PRKCE: variants seen among roughly 807,000 people sequenced by gnomAD.
PRKCE encodes protein kinase C epsilon type.
PRKCE carries 16 observed loss-of-function variants against 85.4 expected under a neutral mutation model. That is an observed-to-expected ratio of 0.19 (90% CI 0.13 to 0.28). The LOEUF is 0.28. PRKCE is among the 10% of genes least tolerant of loss of function. PRKCE has a pLI of 1.00. For synonymous variants in PRKCE, 388 were observed against 371.5 expected, an observed-to-expected ratio of 1.04 and a Z score of -0.51; for missense variants, 573 against 975.2, an observed-to-expected ratio of 0.59 and a Z score of 5.49.
chr2:45,677,522 A>C (rs1249529722), intron 1 of PRKCE, among the ~76,000 whole-genome samples: 1 of 151,836 alleles, frequency 6.6e-6, no homozygotes, highest in Non-Finnish European at 1.5e-5. Flanking sequence ...GCGCCCGGCT[A>C]ATTTTTTGTA....
At chr2:45,669,892 T>C (rs1676077205) in intron 1 of PRKCE, among the ~76,000 whole-genome samples, 2 of 152,072 alleles carry the variant, frequency 1.3e-5, no homozygotes, top group South Asian at 4.1e-4. Flanking sequence ...GTGCCAGTAA[T>C]CCCAGCTATT....
chr2:45,731,236 T>G (rs2104548748), intron 1 of PRKCE, among the ~76,000 whole-genome samples: 1 of 152,248 alleles, frequency 6.6e-6, no homozygotes, highest in African/African-American at 2.4e-5. Context: ...AATGGAGTTA[T>G]GCACAGTTTT....
intron 1 of PRKCE, among the ~76,000 whole-genome samples, chr2:45,829,266 G>A (rs1690204868): frequency 1.3e-5 from 2 of 152,118 alleles, no homozygotes; most frequent in Admixed American, 1.3e-4. Flanking sequence ...TAAATTTTGT[G>A]TCAATTTACA....
chr2:45,923,842 G>A (rs550315858), intron 2 of PRKCE, among the ~76,000 whole-genome samples: 6 of 152,300 alleles, frequency 3.9e-5, no homozygotes, highest in African/African-American at 1.4e-4. Context: ...GGGAGAGCAT[G>A]GAAAGCAAAG....
intron 10 of PRKCE, among the ~76,000 whole-genome samples, chr2:46,082,633 G>A (rs150951531): frequency 9.7e-4 from 147 of 152,324 alleles, no homozygotes; most frequent in African/African-American, 3.4e-3. Flanking sequence ...AGGATGGGGA[G>A]CATCTGGAGC....
At position 45,661,312 on chromosome 2, in the gene PRKCE, A is replaced by G. The variant is rs1048953381; in HGVS notation, c.348+8864A>G. On this transcript the variant is annotated intron_variant, in intron 1 of 14. Transcript: ENST00000306156. ...ATTCTCCTGTCTCAGCCTCCCAAGT[A>G]GCTGGGATTACAAGCATGAGCCACC... 5.9e-5 allele frequency among the ~76,000 whole-genome samples: 9 copies of G among 151,386 alleles called. No individual in the cohort carries two copies. In the South Asian group the frequency reaches 1.3e-3, roughly 21 times the overall value.
intron 2 of PRKCE, among the ~76,000 whole-genome samples, chr2:45,892,905 G>T (rs1474829005): frequency 1.3e-5 from 2 of 152,182 alleles, no homozygotes; most frequent in Non-Finnish European, 2.9e-5. Flanking sequence ...ACCCCCCGGG[G>T]TTGCTGTTGA....
chr2:45,707,732 G>A (rs746133446), intron 1 of PRKCE, among the ~76,000 whole-genome samples: 5 of 152,212 alleles, frequency 3.3e-5, no homozygotes, highest in African/African-American at 1.2e-4. Flanking sequence ...AGTTCGTGAC[G>A]AATATGAAAT....
At chr2:46,075,217 T>C (rs1460337425) in intron 10 of PRKCE, among the ~76,000 whole-genome samples, 3 of 151,848 alleles carry the variant, frequency 2.0e-5, no homozygotes, top group Non-Finnish European at 4.4e-5. Flanking sequence ...ACTTTTTGTA[T>C]TTTTTAGTAC....
At chr2:45,671,178 C>A (rs984415101) in intron 1 of PRKCE, among the ~76,000 whole-genome samples, 1 of 152,180 alleles carries the variant, frequency 6.6e-6, no homozygotes, top group African/African-American at 2.4e-5. Flanking sequence ...ATTTATTCAA[C>A]AATTTGTACT....
intron 14 of PRKCE, among the ~76,000 whole-genome samples, chr2:46,176,317 G>A (rs978104427): frequency 4.6e-5 from 7 of 151,988 alleles, no homozygotes; most frequent in African/African-American, 1.7e-4. Flanking sequence ...TCCGTGCGTT[G>A]AAGCTCCCCC....
chr2:45,728,543 A>G (rs1477824269), intron 1 of PRKCE, among the ~76,000 whole-genome samples: 3 of 152,060 alleles, frequency 2.0e-5, no homozygotes, highest in Non-Finnish European at 4.4e-5. Flanking sequence ...ATTTTATATT[A>G]CAGTTGTAAT....
chr2:45,955,573 A>T (rs1339727044), intron 2 of PRKCE, among the ~76,000 whole-genome samples: 1 of 152,150 alleles, frequency 6.6e-6, no homozygotes, highest in African/African-American at 2.4e-5. Flanking sequence ...AGTCCCAGCT[A>T]CTTCAGAGTT....
Position 45,786,530 on chromosome 2 carries a change from C to T in PRKCE, c.349-56470C>T, listed in dbSNP as rs1573353465. The stretch of plus-strand genomic sequence containing the variant: ...CTGCACACTACCTAATTCACTTCAA[C>T]AAGACCTGAAGCAGACAGGCCCCAC... On this transcript the variant is annotated intron_variant, in intron 1 of 14. Coordinates refer to ENST00000306156, the MANE Select transcript of PRKCE (RefSeq NM_005400.3). This position sits in a 1 kb window ranked among gnomAD's most constrained non-coding sequence, Gnocchi z 5.3. Among the ~76,000 whole-genome samples the T allele has an allele frequency of 6.6e-6, 1 of 152,230 alleles. No individual in the cohort carries two copies.
intron 1 of PRKCE, among the ~76,000 whole-genome samples, chr2:45,783,496 C>T (rs1461091597): frequency 6.6e-6 from 1 of 152,220 alleles, no homozygotes; most frequent in Admixed American, 6.5e-5. Context: ...CAGTCATCTC[C>T]TTTGCTGGGT....
chr2:45,783,818 A>C (rs1006293983), intron 1 of PRKCE, among the ~76,000 whole-genome samples: 1 of 152,096 alleles, frequency 6.6e-6, no homozygotes, highest in Non-Finnish European at 1.5e-5. Flanking sequence ...CTAGAGCCCT[A>C]CTCCGGACTT....
At chr2:46,123,881 A>G (rs1271032875) in intron 11 of PRKCE, among the ~76,000 whole-genome samples, 1 of 152,232 alleles carries the variant, frequency 6.6e-6, no homozygotes, top group African/African-American at 2.4e-5. Context: ...GTTGCCTACA[A>G]TGAATGAAGA....
chr2:45,761,667 C>T (rs571579660), intron 1 of PRKCE, among the ~76,000 whole-genome samples: 3 of 152,256 alleles, frequency 2.0e-5, no homozygotes, highest in East Asian at 1.9e-4. Context: ...TCTCCCCTCT[C>T]GCACCCTCCT....
At chr2:45,738,687 A>T (rs974809545) in intron 1 of PRKCE, among the ~76,000 whole-genome samples, 1 of 152,212 alleles carries the variant, frequency 6.6e-6, no homozygotes, top group Non-Finnish European at 1.5e-5. Context: ...TGAGGGCCTA[A>T]GGTGTGAATA....
Sources: gnomAD v4.1 joint callset for allele counts (sites outside exome capture counted in the v4.1 genomes callset) on GRCh38, gnomAD v4.1.1 for gene constraint, Gnocchi (gnomAD v3.1) non-coding constraint, MANE v1.5 for transcripts, NCBI Gene and HGNC (gene_info 2026-07-23, HGNC 2026-07-21) for gene names.